The following UGGT2 variants were observed in gnomAD, a reference collection of about 807,000 sequenced individuals.
UGGT2 encodes UDP-glucose glycoprotein glucosyltransferase 2.
A neutral mutation model predicts 192.1 loss-of-function variants in UGGT2; 180 were observed. The observed-to-expected ratio is 0.94, with a 90% confidence interval of 0.83 to 1.06. The LOEUF (loss-of-function observed/expected upper bound fraction) is 1.06, where lower values mean the gene tolerates loss of function less well. Ranked by LOEUF, UGGT2 falls within the 50% of genes least tolerant of loss-of-function variation. UGGT2 has a pLI of 0.00. For missense variants in UGGT2, 1,849 were observed against 1,795.7 expected, an observed-to-expected ratio of 1.03 and a Z score of -0.54; for synonymous variants, 580 against 591.0, an observed-to-expected ratio of 0.98 and a Z score of 0.27.
At chr13:96,007,116 C>A (rs1043122260) in intron 5 of UGGT2, among the ~76,000 whole-genome samples, 3 of 152,066 alleles carry the variant, frequency 2.0e-5, no homozygotes, top group African/African-American at 7.2e-5. Context: ...GAGATTCATC[C>A]CAGGGATACA....
intron 1 of UGGT2, among the ~76,000 whole-genome samples, chr13:96,038,193 T>G (rs537402730): frequency 4.3e-4 from 65 of 152,310 alleles, no homozygotes; most frequent in African/African-American, 1.5e-3. Context: ...CTATAAAAAG[T>G]ACCTTTTGTT....
chr13:95,984,451 C>T (rs1374464006), intron 9 of UGGT2, among the ~76,000 whole-genome samples: 3 of 152,110 alleles, frequency 2.0e-5, no homozygotes, highest in Non-Finnish European at 4.4e-5. Flanking sequence ...GCCTCAGCCT[C>T]TCAATTAGAT....
At chr13:96,014,781 T>C (rs1166730401) in intron 4 of UGGT2, among the ~76,000 whole-genome samples, 1 of 152,190 alleles carries the variant, frequency 6.6e-6, no homozygotes, top group Non-Finnish European at 1.5e-5. Flanking sequence ...GATTCTTGCA[T>C]GAAACTATTA....
In UGGT2 at chr13:95,903,048, G is replaced by T; in HGVS notation, c.2308C>A (p.His770Asn). 1 of 1,610,206 alleles carries T rather than the reference G, an allele frequency of 6.2e-7. No homozygotes were observed. The highest frequency in any genetic ancestry group is 1.1e-5 in the South Asian group (1 of 90,400). Residue 770 changes from histidine to asparagine, a missense_variant, in exon 21 of 39, where the codon CAT becomes AAT. His to Asn is a moderately conservative substitution (Grantham distance 68, BLOSUM62 1). Coordinates refer to ENST00000376747, the MANE Select transcript of UGGT2 (RefSeq NM_020121.4). ...NALKHMKTSV[H>N]SRLGIIYNPT... Reference sequence around the variant, plus strand: ...TTATAAATAATCCCCAACCGACTATGAACACTTGTTTTCTGCAAACATATT... The same window carrying T: ...TTATAAATAATCCCCAACCGACTATTAACACTTGTTTTCTGCAAACATATT...
intron 34 of UGGT2, 128 bp from the exon 35 acceptor site, chr13:95,854,603 C>T (rs1889401172): frequency 1.4e-6 from 1 of 739,346 alleles, no homozygotes; most frequent in Non-Finnish European, 2.0e-6. Context: ...ACAGTGCTTT[C>T]ATGTAATATG....
intron 27 of UGGT2, among the ~76,000 whole-genome samples, chr13:95,883,128 T>C (rs1407666951): frequency 1.3e-5 from 2 of 151,806 alleles, no homozygotes; most frequent in Non-Finnish European, 2.9e-5. Context: ...TGATGGGGAG[T>C]ATGTTACAGA....
chr13:95,834,998 T>G (rs1594105438), intron 37 of UGGT2, among the ~76,000 whole-genome samples: 1 of 152,214 alleles, frequency 6.6e-6, no homozygotes, highest in Admixed American at 6.5e-5. Flanking sequence ...TGAAATAAAT[T>G]TTAATACTAT....
intron 12 of UGGT2, among the ~76,000 whole-genome samples, chr13:95,959,692 A>G (rs969053301): frequency 6.6e-6 from 1 of 152,192 alleles, no homozygotes; most frequent in Non-Finnish European, 1.5e-5. Context: ...TAGGTCCTAG[A>G]GAATTGTCCC....
intron 7 of UGGT2, 198 bp downstream of exon 7, chr13:95,995,865 A>G (rs1372523225): frequency 5.8e-5 from 32 of 552,482 alleles, no homozygotes; most frequent in Non-Finnish European, 9.6e-5. Context: ...TTATTTTTAA[A>G]TGTGCTTTTC....
intron 38 of UGGT2, among the ~76,000 whole-genome samples, chr13:95,832,527 T>G (rs1294741002): frequency 6.6e-6 from 1 of 152,082 alleles, no homozygotes; most frequent in Non-Finnish European, 1.5e-5. Context: ...TGAGATTAAT[T>G]TTGGAGATAG....
intron 20 of UGGT2, among the ~76,000 whole-genome samples, chr13:95,923,181 A>T (rs2048902389): frequency 6.6e-6 from 1 of 151,974 alleles, no homozygotes; most frequent in African/African-American, 2.4e-5. Flanking sequence ...CCTCTCAAAT[A>T]ACTGGGACTA....
chr13:95,917,481 A>G (rs2048715285), intron 20 of UGGT2, among the ~76,000 whole-genome samples: 1 of 152,200 alleles, frequency 6.6e-6, no homozygotes, highest in Admixed American at 6.5e-5. Flanking sequence ...CAGACCAGTG[A>G]CACTATGAAT....
At chr13:96,030,192 T>C (rs1487018423) in intron 2 of UGGT2, among the ~76,000 whole-genome samples, 2 of 152,238 alleles carry the variant, frequency 1.3e-5, no homozygotes, top group Non-Finnish European at 2.9e-5. Flanking sequence ...AGCTCCAGCA[T>C]TCAGCACTGA....
At chr13:95,905,010 T>A (rs1360596932) in intron 20 of UGGT2, among the ~76,000 whole-genome samples, 1 of 152,058 alleles carries the variant, frequency 6.6e-6, no homozygotes, top group Non-Finnish European at 1.5e-5. Flanking sequence ...AGATGGTATC[T>A]CAATGTGGTT....
intron 38 of UGGT2, among the ~76,000 whole-genome samples, chr13:95,807,896 T>C (rs1255241260): frequency 1.3e-5 from 2 of 152,038 alleles, no homozygotes; most frequent in Non-Finnish European, 1.5e-5. Flanking sequence ...ATTTTCAATA[T>C]TATCATCCTT....
intron 20 of UGGT2, among the ~76,000 whole-genome samples, chr13:95,917,309 A>G (rs1402847714): frequency 5.9e-5 from 9 of 152,218 alleles, no homozygotes; most frequent in Non-Finnish European, 1.3e-4. Context: ...AAGAATTTCC[A>G]GAATTTCATA....
At chr13:95,807,715 C>CTTTTTTTTTTTTTTTTTT (rs200081851) in intron 38 of UGGT2, among the ~76,000 whole-genome samples, 4 of 48,040 alleles carry the variant, frequency 8.3e-5, no homozygotes, top group Non-Finnish European at 1.3e-4. Context: ...TCAGCCCTCA[C>CTTTTTTTTTTTTTTTTTT]CTTTTTTTTT....
intron 20 of UGGT2, among the ~76,000 whole-genome samples, chr13:95,915,374 A>G (rs569771565): frequency 1.3e-5 from 2 of 152,154 alleles, no homozygotes; most frequent in South Asian, 2.1e-4. Flanking sequence ...CTCAATTTAC[A>G]TATGTCTATC....
intron 4 of UGGT2, among the ~76,000 whole-genome samples, chr13:96,017,327 C>T (rs1013742592): frequency 3.3e-5 from 5 of 152,250 alleles, no homozygotes; most frequent in South Asian, 2.1e-4. Context: ...CCCTCCAAAT[C>T]GCATGTTGAA....
Sources: allele counts gnomAD v4.1 joint callset (sites outside exome capture counted in the v4.1 genomes callset), GRCh38; gene constraint gnomAD v4.1.1; transcripts MANE v1.5; gene names NCBI Gene and HGNC (gene_info 2026-07-23, HGNC 2026-07-21).